The following QRICH1 variants were observed in gnomAD, a reference collection of about 807,000 sequenced individuals.
QRICH1 encodes the protein transcriptional regulator QRICH1.
QRICH1 carries 16 observed loss-of-function variants against 87.1 expected under a neutral mutation model. That is an observed-to-expected ratio of 0.18 (90% CI 0.12 to 0.28). QRICH1 has a LOEUF of 0.28. Among genes scored for constraint, QRICH1 ranks in the 10% least tolerant of loss-of-function variants. The pLI, the probability that QRICH1 is intolerant of heterozygous loss-of-function variation, is 1.00. For synonymous variants in QRICH1, 367 were observed against 368.4 expected (o/e 1.00, Z 0.05); for missense variants, 647 against 951.7 (o/e 0.68, Z 4.21).
Position 49,063,876 on chromosome 3 carries a change from TAC to T in QRICH1, c.310-5988_310-5987del, listed in dbSNP as rs2093450159. Among the ~76,000 whole-genome samples, 5 of 152,318 alleles carry T rather than the reference TAC, an allele frequency of 3.3e-5. No homozygotes were observed. The South Asian group carries it at 8.3e-4, about 25-fold the overall frequency. ...GGTTATATCTAGTAATATTTACTTG[TAC>T]TCTAAATTAAAACTAGGAATTTAAT... On this transcript the variant is annotated intron_variant, in intron 2 of 9. Coordinates refer to ENST00000395443, the MANE Select transcript of QRICH1 (RefSeq NM_198880.3).
intron 2 of QRICH1, among the ~76,000 whole-genome samples, chr3:49,072,418 C>CG (rs2041855546): frequency 6.6e-6 from 1 of 151,158 alleles, no homozygotes; most frequent in Non-Finnish European, 1.5e-5. Flanking sequence ...CCCATGTACT[C>CG]GGGAGGCTGA....
chr3:49,077,884 C>T (rs1158314202), intron 1 of QRICH1, among the ~76,000 whole-genome samples: 1 of 152,136 alleles, frequency 6.6e-6, no homozygotes, highest in Non-Finnish European at 1.5e-5. Context: ...CAGGTCACTA[C>T]TAAAATTCAG....
rs199881791 is a variant in QRICH1 at position 49,064,096 on chromosome 3, G to GT, written c.310-6207dup. Among the ~76,000 whole-genome samples the GT allele has an allele frequency of 3.3e-4, 49 of 150,768 alleles. No individual in the cohort carries two copies. The East Asian group carries it at 9.1e-3, about 28-fold the overall frequency. ...TGGTTTTCTTTTGTTGTTGTTTTTT[G>GT]TTTTTTATATTTTTAGTAGAGATGG... is the stretch of plus-strand genomic sequence containing the variant. On this transcript the variant is annotated intron_variant, in intron 2 of 9. Coordinates refer to ENST00000395443, the MANE Select transcript of QRICH1 (RefSeq NM_198880.3).
rs59836336 is a variant in QRICH1, at chr3:49,068,294, C to T, written c.309+8415G>A. Among the ~76,000 whole-genome samples the T allele has an allele frequency of 1.8e-4, 28 of 151,940 alleles. No individual in the cohort carries two copies. In the East Asian group the frequency reaches 5.5e-3, roughly 30 times the overall value. ...ATCAATTGCGCCCAGGAGTTCAAGG[C>T]TGCACTGAGCTATGATTGTGCCACT... On this transcript the variant is annotated intron_variant, in intron 2 of 9. Coordinates refer to ENST00000395443, the MANE Select transcript of QRICH1 (RefSeq NM_198880.3).
At chr3:49,093,589 GA>G (rs1264591800) in intron 1 of QRICH1, 1 of 153,178 alleles carries the variant, frequency 6.5e-6, no homozygotes, top group African/African-American at 2.4e-5. Flanking sequence ...TCCTAGAGCA[GA>G]GATATCCGGG....
chr3:49,053,538 T>C (rs962734397), intron 3 of QRICH1, among the ~76,000 whole-genome samples: 2 of 151,128 alleles, frequency 1.3e-5, no homozygotes, highest in African/African-American at 4.9e-5. Context: ...GTGTTGTATG[T>C]TGCTGTAGGA....
At chr3:49,035,414 T>C (rs2093268813) in intron 6 of QRICH1, among the ~76,000 whole-genome samples, 1 of 152,166 alleles carries the variant, frequency 6.6e-6, no homozygotes, top group Non-Finnish European at 1.5e-5. Context: ...GGAACAATTA[T>C]TGCCATACTT....
chr3:49,034,730 G>A (rs1460901873), intron 6 of QRICH1, among the ~76,000 whole-genome samples: 1 of 152,194 alleles, frequency 6.6e-6, no homozygotes, highest in Non-Finnish European at 1.5e-5. Context: ...ATTTGAATAA[G>A]AGCCCTGGTC....
rs200782443 is a variant in QRICH1, at chr3:49,051,161, C to T, written c.1339-3915G>A. Among the ~76,000 whole-genome samples the T allele has an allele frequency of 2.2e-4, 33 of 152,306 alleles. No individual in the cohort carries two copies. The East Asian group carries it at 5.8e-3, about 27-fold the overall frequency. ...TGTCTACCCCAGAAATGAGCAATCTCTTCTTGGTGGCCTGTAGTAGCTGCT... is the reference window on the plus strand; with the variant it reads ...TGTCTACCCCAGAAATGAGCAATCTTTTCTTGGTGGCCTGTAGTAGCTGCT... On this transcript the variant is annotated intron_variant, in intron 3 of 9. Transcript: ENST00000395443.
intron 6 of QRICH1, among the ~76,000 whole-genome samples, chr3:49,035,221 C>A (rs1485415451): frequency 6.6e-6 from 1 of 152,076 alleles, no homozygotes; most frequent in Non-Finnish European, 1.5e-5. Flanking sequence ...CAGGTGTGCA[C>A]CATCACACTC....
chr3:49,077,119 G>C (rs2041966749), intron 1 of QRICH1, 81 bp from the exon 2 acceptor site: 1 of 930,252 alleles, frequency 1.1e-6, no homozygotes, highest in African/African-American at 1.7e-5. Context: ...CACAAGAGTG[G>C]AATATATTCA....
intron 2 of QRICH1, among the ~76,000 whole-genome samples, chr3:49,064,689 C>A (rs1009522291): frequency 2.2e-4 from 33 of 152,044 alleles, no homozygotes; most frequent in Admixed American, 4.6e-4. Flanking sequence ...CACGGTGAAA[C>A]CCCGTCTATA....
chr3:49,080,414 G>A (rs1048061931), intron 1 of QRICH1, among the ~76,000 whole-genome samples: 1 of 151,532 alleles, frequency 6.6e-6, no homozygotes. Context: ...AAAAACAAAT[G>A]ACTAAACACC....
In QRICH1 at chr3:49,080,009, C is replaced by T. The variant is rs562480134; in HGVS notation, c.-21-2971G>A. Among the ~76,000 whole-genome samples the T allele has an allele frequency of 3.0e-4, 44 of 147,132 alleles. No individual in the cohort carries two copies. In the East Asian group the frequency reaches 7.1e-3, roughly 24 times the overall value. On this transcript the variant is annotated intron_variant, in intron 1 of 9. Transcript: ENST00000395443. ...GTGCCACTGCGCTCCAGCCTGGGCGCCAGACTGAGACTCTATCTCAAAAAA... is the reference window on the plus strand; with the variant it reads ...GTGCCACTGCGCTCCAGCCTGGGCGTCAGACTGAGACTCTATCTCAAAAAA...
At chr3:49,076,657 G>T in intron 2 of QRICH1, 52 bp downstream of exon 2, 2 of 1,406,992 alleles carry the variant, frequency 1.4e-6, no homozygotes, top group South Asian at 1.8e-5. Flanking sequence ...CTAAAACACT[G>T]ACAACAAATA....
chr3:49,039,758 A>G (rs2093299176), intron 6 of QRICH1, among the ~76,000 whole-genome samples: 1 of 151,642 alleles, frequency 6.6e-6, no homozygotes, highest in Non-Finnish European at 1.5e-5. Context: ...AAACAAACAA[A>G]AAGGAATTAA....
chr3:49,075,191 G>A (rs897790095), intron 2 of QRICH1, among the ~76,000 whole-genome samples: 3 of 151,706 alleles, frequency 2.0e-5, no homozygotes, highest in Non-Finnish European at 2.9e-5. Context: ...TTAGCTGCAC[G>A]TGGTGGTACA....
Position 49,030,280 on chromosome 3 carries a change from G to A in QRICH1, c.*172C>T. The A allele has an allele frequency of 1.6e-6, 1 of 636,476 alleles. No homozygotes were observed. Among genetic ancestry groups the A allele is most frequent in the Non-Finnish European group, 2.6e-6 (1 of 381,804 alleles). The allele number at this position is 636,476 out of a possible 1,614,324, so 39.4% of individuals were successfully genotyped here. A position where few individuals can be genotyped will look rare whatever the true frequency, so the allele number is the denominator to read the frequency against. The stretch of plus-strand genomic sequence containing the variant: ...GAGGAGTCTGCCGCAGCAGGTTTAT[G>A]AAGATGCAAAGGGGGCAAAGTTTTC... On this transcript the variant is annotated 3_prime_UTR_variant, in exon 10 of 10. Transcript: ENST00000395443.
intron 6 of QRICH1, among the ~76,000 whole-genome samples, 189 bp downstream of exon 6, chr3:49,044,201 G>C (rs553801783): frequency 1.2e-4 from 19 of 152,150 alleles, no homozygotes; most frequent in Non-Finnish European, 8.8e-5. Flanking sequence ...TCCCACACTG[G>C]AACCAGCAGG....
Sources: allele counts gnomAD v4.1 joint callset (sites outside exome capture counted in the v4.1 genomes callset), GRCh38; gene constraint gnomAD v4.1.1; transcripts MANE v1.5; gene names NCBI Gene and HGNC (gene_info 2026-07-23, HGNC 2026-07-21).